Variants in TANC2 observed in about 807,000 individuals in gnomAD.
TANC2 encodes protein TANC2.
Under a neutral mutation model 210.5 loss-of-function variants are expected in TANC2, and 26 were observed. The observed-to-expected ratio is 0.12, with a 90% CI of 0.09 to 0.17. The LOEUF is 0.17. TANC2 is among the 10% of genes least tolerant of loss of function. The pLI, the probability that TANC2 is intolerant of heterozygous loss-of-function variation, is 1.00. For missense variants in TANC2, 2,129 were observed against 2,608.9 expected, an observed-to-expected ratio of 0.82 and a Z score of 4.01; for synonymous variants, 931 against 967.1, an observed-to-expected ratio of 0.96 and a Z score of 0.69.
intron 14 of TANC2, among the ~76,000 whole-genome samples, chr17:63,376,729 G>C (rs899264364): frequency 6.6e-6 from 1 of 151,958 alleles, no homozygotes. Context: ...GACAAGTGTA[G>C]CTTGCATGGA....
chr17:63,049,524 G>A (rs1362013178), intron 2 of TANC2, among the ~76,000 whole-genome samples: 3 of 152,088 alleles, frequency 2.0e-5, no homozygotes, highest in Non-Finnish European at 4.4e-5. Context: ...TATTCTTAGA[G>A]TGTTTAAAGT....
chr17:63,315,449 A>G (rs992192351), intron 10 of TANC2, among the ~76,000 whole-genome samples: 17 of 152,180 alleles, frequency 1.1e-4, no homozygotes, highest in Admixed American at 7.9e-4. Flanking sequence ...CCATTCTCCT[A>G]TCCATTTTAC....
At chr17:63,318,733 T>C (rs930880387) in intron 10 of TANC2, among the ~76,000 whole-genome samples, 1 of 152,208 alleles carries the variant, frequency 6.6e-6, no homozygotes, top group Non-Finnish European at 1.5e-5. Flanking sequence ...ATTTCATCTA[T>C]TCATCAGTTG....
rs1177852044 is a variant in TANC2, at chr17:63,125,889, C to T, written c.323-25381C>T. ...TAAATTAGTTAGCAATATAATGTAGCGTAAGCTTATCTTACATAGTTTGTG... is the reference window on the plus strand; with the variant it reads ...TAAATTAGTTAGCAATATAATGTAGTGTAAGCTTATCTTACATAGTTTGTG... On this transcript the variant is annotated intron_variant, in intron 4 of 27. Coordinates refer to ENST00000689528, the Ensembl canonical transcript of TANC2. Among the ~76,000 whole-genome samples the T allele has an allele frequency of 3.3e-5, 5 of 152,148 alleles. No individual in the cohort carries two copies. The South Asian group carries it at 8.3e-4, about 25-fold the overall frequency.
At chr17:63,212,526 A>G (rs2041917161) in intron 7 of TANC2, among the ~76,000 whole-genome samples, 1 of 152,212 alleles carries the variant, frequency 6.6e-6, no homozygotes, top group Non-Finnish European at 1.5e-5. Context: ...ATAATACAAC[A>G]AAAATGCAAA....
At chr17:63,316,584 A>T (rs2045320687) in intron 10 of TANC2, among the ~76,000 whole-genome samples, 1 of 152,228 alleles carries the variant, frequency 6.6e-6, no homozygotes, top group Non-Finnish European at 1.5e-5. Context: ...CATTCATGAG[A>T]TAAACATCCG....
intron 1 of TANC2, among the ~76,000 whole-genome samples, chr17:63,000,605 T>C (rs1393629591): frequency 6.6e-6 from 1 of 152,126 alleles, no homozygotes; most frequent in African/African-American, 2.4e-5. Context: ...ATCAGCTAAG[T>C]GTAAGAAAAT....
intron 2 of TANC2, among the ~76,000 whole-genome samples, chr17:63,070,222 G>A (rs569680967): frequency 6.6e-6 from 1 of 152,130 alleles, no homozygotes; most frequent in African/African-American, 2.4e-5. Flanking sequence ...ATAAACTTAA[G>A]GGGAAAAAAA....
exon 14 of TANC2, chr17:63,355,302 A>G (rs2046748156): frequency 6.2e-7 from 1 of 1,612,844 alleles, no homozygotes; most frequent in Non-Finnish European, 8.5e-7. Context: ...GCGCAGAGAC[A>G]TGACTCGTAT....
At chr17:63,330,879 C>T (rs1312086828) in intron 11 of TANC2, among the ~76,000 whole-genome samples, 1 of 152,144 alleles carries the variant, frequency 6.6e-6, no homozygotes, top group East Asian at 1.9e-4. Flanking sequence ...AGTTCGAGAC[C>T]AGCCTGGTCA....
chr17:63,036,113 G>A (rs2034961632), intron 2 of TANC2, among the ~76,000 whole-genome samples: 1 of 151,314 alleles, frequency 6.6e-6, no homozygotes, highest in African/African-American at 2.4e-5. Flanking sequence ...TATGTGTTTT[G>A]CTTGCTTTGT....
At chr17:63,259,069 T>G (rs1278956677) in intron 8 of TANC2, among the ~76,000 whole-genome samples, 1 of 152,164 alleles carries the variant, frequency 6.6e-6, no homozygotes, top group Non-Finnish European at 1.5e-5. Flanking sequence ...GGGTCCTTCC[T>G]TTCAAGGTAG....
At position 63,418,299 on chromosome 17, in the gene TANC2, A is replaced by G. The variant is rs1385820396; in HGVS notation, c.4168-8A>G. The G allele has an allele frequency of 6.2e-7, 1 of 1,611,662 alleles. No individual in the cohort carries two copies. Among genetic ancestry groups the G allele is most frequent in the East Asian group, 2.2e-5 (1 of 44,866 alleles). ...AATGACTCATTTGCACACCTATTGT[A>G]ATGACAGGATTTTGGAATGGCGGAG... On this transcript the variant is annotated splice_polypyrimidine_tract_variant and splice_region_variant and intron_variant, in intron 26 of 27. Coordinates refer to ENST00000689528, the Ensembl canonical transcript of TANC2. The surrounding 1 kb of genome is among the most constrained non-coding windows in gnomAD (Gnocchi z 4.6).
chr17:63,406,840 A>C (rs1025121333), intron 21 of TANC2, among the ~76,000 whole-genome samples: 8 of 152,180 alleles, frequency 5.3e-5, no homozygotes, highest in African/African-American at 1.9e-4. Flanking sequence ...GGTTGCTGTG[A>C]CCTCTATCAC....
rs1323047398 is a variant in TANC2, at chr17:63,418,843, C to A, written c.4268+436C>A. Among the ~76,000 whole-genome samples the A allele has an allele frequency of 6.6e-6, 1 of 152,130 alleles. No homozygotes were observed. Among genetic ancestry groups the A allele is most frequent in the Non-Finnish European group, 1.5e-5 (1 of 68,022 alleles). On this transcript the variant is annotated intron_variant, in intron 27 of 27. Transcript: ENST00000689528. This position sits in a 1 kb window ranked among gnomAD's most constrained non-coding sequence, Gnocchi z 4.6. The stretch of plus-strand genomic sequence containing the variant: ...TCTCCCATAGGCGTTTGAGGAATCC[C>A]GGATTAGTTAGTCTTCCCTCTGGGG...
Position 62,990,999 on chromosome 17 carries a change from A to G in TANC2, c.-23-18538A>G, listed in dbSNP as rs1457190116. Among the ~76,000 whole-genome samples the G allele has an allele frequency of 4.6e-5, 7 of 152,222 alleles. No individual in the cohort carries two copies. In the East Asian group the frequency reaches 9.6e-4, roughly 21 times the overall value. On this transcript the variant is annotated intron_variant, in intron 1 of 27. Transcript: ENST00000689528. ...AAAGGGTCAGTTGAGATTTGCAAGC[A>G]TAGATTTCTGACATATTTGGTATAT...
chr17:63,286,029 T>C (rs2044210021), intron 9 of TANC2, among the ~76,000 whole-genome samples: 1 of 152,214 alleles, frequency 6.6e-6, no homozygotes, highest in African/African-American at 2.4e-5. Context: ...TTCTGCACCA[T>C]GTATATTTCC....
At chr17:63,396,879 G>A (rs2048180391) in intron 18 of TANC2, 1 of 152,050 alleles carries the variant, frequency 6.6e-6, no homozygotes, top group African/African-American at 2.4e-5. Context: ...CCAGGTGATG[G>A]GAACTTTTGT....
intron 25 of TANC2, among the ~76,000 whole-genome samples, chr17:63,414,647 C>G (rs1296673749): frequency 2.0e-5 from 3 of 152,154 alleles, no homozygotes; most frequent in Non-Finnish European, 2.9e-5. Context: ...CCTCAGAATT[C>G]TACCTTGAAA....
Sources: allele counts gnomAD v4.1 joint callset (sites outside exome capture counted in the v4.1 genomes callset), GRCh38; gene constraint gnomAD v4.1.1; non-coding constraint Gnocchi (gnomAD v3.1); transcripts MANE v1.5; gene names NCBI Gene and HGNC (gene_info 2026-07-23, HGNC 2026-07-21).